Variants in CEP192 observed in about 807,000 individuals in gnomAD.
The protein encoded by CEP192 is centrosomal protein of 192 kDa.
CEP192 carries 151 observed loss-of-function variants against 271.8 expected under a neutral mutation model. That is an observed-to-expected ratio of 0.56 (90% CI 0.49 to 0.64). CEP192 has a LOEUF of 0.64. Ranked by LOEUF, CEP192 falls within the 30% of genes least tolerant of loss-of-function variation. The pLI is 0.00. For synonymous variants in CEP192, 995 were observed against 1,076.5 expected, an observed-to-expected ratio of 0.92 and a Z score of 1.48; for missense variants, 2,910 against 3,020.5, an observed-to-expected ratio of 0.96 and a Z score of 0.86.
intron 11 of CEP192, among the ~76,000 whole-genome samples, chr18:13,031,614 CTTCT>C (rs1248633191): frequency 6.6e-6 from 1 of 152,038 alleles, no homozygotes; most frequent in Non-Finnish European, 1.5e-5. Context: ...TTGTGCTAAG[CTTCT>C]TTAAGAAAGT....
At chr18:13,011,334 G>A (rs1367154987) in intron 4 of CEP192, among the ~76,000 whole-genome samples, 1 of 152,032 alleles carries the variant, frequency 6.6e-6, no homozygotes, top group African/African-American at 2.4e-5. Context: ...GTCTTTGTGA[G>A]GATATGGAGA....
chr18:13,008,872 A>T (rs1172906423), intron 4 of CEP192, among the ~76,000 whole-genome samples: 2 of 151,948 alleles, frequency 1.3e-5, no homozygotes, highest in African/African-American at 4.8e-5. Context: ...ATGCTAGGCT[A>T]ACTTTTTGTG....
intron 40 of CEP192, among the ~76,000 whole-genome samples, chr18:13,107,327 C>T (rs1359958049): frequency 6.6e-6 from 1 of 152,106 alleles, no homozygotes; most frequent in Non-Finnish European, 1.5e-5. Flanking sequence ...GAGACCTTGT[C>T]TCAAAAAAAT....
Position 13,056,583 on chromosome 18 carries a change from A to G in CEP192, c.3993A>G (p.Pro1331=), listed in dbSNP as rs768446616. 14 of 1,614,068 alleles carry G rather than the reference A, an allele frequency of 8.7e-6. No individual in the cohort carries two copies. Among genetic ancestry groups the G allele is most frequent in the Non-Finnish European group, 1.2e-5 (14 of 1,180,020 alleles). The change falls in exon 19 of 45, where the codon CCA becomes CCG. Residue 1331 remains proline, a synonymous_variant. Transcript: ENST00000506447. ...TGGGTACCTCTTCCCTCTGTAACCCATATTCTAATACCTTAAATCAGAACC... is the reference window on the plus strand; with the variant it reads ...TGGGTACCTCTTCCCTCTGTAACCCGTATTCTAATACCTTAAATCAGAACC... ...GWMGTSSLCN[P]YSNTLNQNLL...
In CEP192 at chr18:13,124,995, C is replaced by T. The variant is rs1017807711; in HGVS notation, c.*225C>T. On this transcript the variant is annotated 3_prime_UTR_variant, in exon 45 of 45. Transcript: ENST00000506447. ...AGGTGAGAAGAGAGTTCTGTGTTTG[C>T]ATTGATTATGATATTCTGAATAAAT... The T allele has an allele frequency of 3.0e-5, 11 of 372,080 alleles. No individual in the cohort carries two copies. The South Asian group carries it at 5.0e-4, about 17-fold the overall frequency. The allele number at this position is 372,080 out of a possible 1,614,324, so 23.0% of individuals were successfully genotyped here.
intron 4 of CEP192, among the ~76,000 whole-genome samples, chr18:13,010,004 C>T (rs1292579566): frequency 6.6e-6 from 1 of 151,876 alleles, no homozygotes; most frequent in East Asian, 1.9e-4. Flanking sequence ...ACAAAAAATA[C>T]AAAAATTAGC....
chr18:13,109,349 C>T (rs1423372007), intron 40 of CEP192, among the ~76,000 whole-genome samples: 1 of 152,102 alleles, frequency 6.6e-6, no homozygotes, highest in African/African-American at 2.4e-5. Context: ...ATATTGGGTA[C>T]TCATGGATAT....
chr18:13,042,387 T>C, intron 15 of CEP192, 53 bp downstream of exon 15: 1 of 1,586,552 alleles, frequency 6.3e-7, no homozygotes, highest in Non-Finnish European at 8.6e-7. Flanking sequence ...GTAGTTCTTA[T>C]CTAGGATCAA....
At chr18:13,124,179 T>G (rs1245827087) in intron 44 of CEP192, among the ~76,000 whole-genome samples, 2 of 151,912 alleles carry the variant, frequency 1.3e-5, no homozygotes, top group Admixed American at 6.6e-5. Flanking sequence ...AAGGATCATA[T>G]GAATTTTAGA....
chr18:13,070,940 A>G, intron 27 of CEP192, 99 bp from the exon 28 acceptor site: 1 of 927,218 alleles, frequency 1.1e-6, no homozygotes, highest in South Asian at 1.5e-5. Flanking sequence ...TTGTATCCCC[A>G]GCACCCAGTT....
chr18:13,048,939 C>T lies in CEP192; in HGVS notation c.2148C>T (p.Ser716=), dbSNP rs2036623364. 6.2e-7 allele frequency: 1 copy of T among 1,614,034 alleles called. No individual in the cohort carries two copies. The highest frequency in any genetic ancestry group is 8.5e-7 in the Non-Finnish European group (1 of 1,179,936). The change falls in exon 16 of 45, where the codon AGC becomes AGT. Residue 716 remains serine, a synonymous_variant. Transcript: ENST00000506447. ...PDSGDSMLRI[S]TIASAIAEAS... is the part of the protein sequence containing the mutation. ...GTGGTGATTCTATGCTTAGGATCAG[C>T]ACCATTGCTTCAGCCATTGCAGAGG...
chr18:13,122,957 G>T (rs2040742289), intron 44 of CEP192, among the ~76,000 whole-genome samples: 1 of 151,974 alleles, frequency 6.6e-6, no homozygotes, highest in African/African-American at 2.4e-5. Context: ...AAATGTTGTG[G>T]TTCTTTCTAA....
At position 13,038,595 on chromosome 18, in the gene CEP192, G is replaced by A. The variant is rs1290777800; in HGVS notation, c.1809+16G>A. On this transcript the variant is annotated intron_variant, in intron 13 of 44. Coordinates refer to ENST00000506447, the MANE Select transcript of CEP192 (RefSeq NM_032142.4). ...TGTGAAAAGAGTAAGTATGGAATCT[G>A]TTGGAAGTGCTCACAGTCACCAGAT... is the stretch of plus-strand genomic sequence containing the variant. The A allele has an allele frequency of 2.0e-6, 3 of 1,531,434 alleles. No homozygotes were observed. Among genetic ancestry groups the A allele is most frequent in the Non-Finnish European group, 1.8e-6 (2 of 1,128,964 alleles). 94.9% of individuals were successfully genotyped at this position (1,531,434 alleles called of 1,614,324 possible).
At chr18:13,054,450 C>CGTAGTG (rs1568343575) in intron 18 of CEP192, among the ~76,000 whole-genome samples, 1 of 152,154 alleles carries the variant, frequency 6.6e-6, no homozygotes, top group Non-Finnish European at 1.5e-5. Context: ...GAATACACAG[C>CGTAGTG]GTAGTGTGAG....
intron 9 of CEP192, among the ~76,000 whole-genome samples, chr18:13,026,140 T>C (rs2035287342): frequency 1.3e-5 from 2 of 152,204 alleles, no homozygotes; most frequent in African/African-American, 4.8e-5. Context: ...GAATTAGAAA[T>C]TGATGGTTTC....
intron 18 of CEP192, among the ~76,000 whole-genome samples, chr18:13,054,275 G>A (rs942156614): frequency 6.6e-6 from 1 of 152,218 alleles, no homozygotes; most frequent in Non-Finnish European, 1.5e-5. Flanking sequence ...GTAGCAGTGG[G>A]AATAGAATAG....
At chr18:13,032,408 G>A (rs146397366) in intron 11 of CEP192, among the ~76,000 whole-genome samples, 37 of 152,208 alleles carry the variant, frequency 2.4e-4, no homozygotes, top group African/African-American at 8.4e-4. Flanking sequence ...AGTGGAAATA[G>A]GGGTCAGAAG....
chr18:13,123,895 C>T (rs1598669021), intron 44 of CEP192, among the ~76,000 whole-genome samples: 1 of 152,196 alleles, frequency 6.6e-6, no homozygotes, highest in Non-Finnish European at 1.5e-5. Flanking sequence ...CATGGTGGCT[C>T]ATGCCTGTAA....
At chr18:13,033,382 A>T (rs2035741635) in intron 11 of CEP192, among the ~76,000 whole-genome samples, 1 of 151,546 alleles carries the variant, frequency 6.6e-6, no homozygotes, top group South Asian at 2.1e-4. Context: ...CAGTCATAGT[A>T]TTTTTCAGTT....
Sources: gnomAD v4.1 joint callset for allele counts (sites outside exome capture counted in the v4.1 genomes callset) on GRCh38, gnomAD v4.1.1 for gene constraint, MANE v1.5 for transcripts, NCBI Gene and HGNC (gene_info 2026-07-23, HGNC 2026-07-21) for gene names.